The following HIBADH variants were observed in gnomAD, a reference collection of about 807,000 sequenced individuals.
The protein encoded by HIBADH is 3-hydroxyisobutyrate dehydrogenase.
Under a neutral mutation model 36.1 loss-of-function variants are expected in HIBADH, and 25 were observed. That is an observed-to-expected ratio of 0.69 (90% CI 0.50 to 0.97). The LOEUF is 0.97. Ranked by LOEUF, HIBADH falls within the 50% of genes least tolerant of loss-of-function variation. The pLI, the probability that HIBADH is intolerant of heterozygous loss-of-function variation, is 0.00. For missense variants in HIBADH, 421 were observed against 418.0 expected (o/e 1.01, Z -0.06); for synonymous variants, 160 against 149.5 (o/e 1.07, Z -0.51).
intron 4 of HIBADH, among the ~76,000 whole-genome samples, chr7:27,618,992 G>C (rs922544582): frequency 2.0e-5 from 3 of 152,042 alleles, no homozygotes; most frequent in African/African-American, 7.2e-5. Flanking sequence ...TCCAACACTG[G>C]GGATTACATA....
At chr7:27,579,918 C>T (rs1282981037) in intron 4 of HIBADH, among the ~76,000 whole-genome samples, 2 of 152,194 alleles carry the variant, frequency 1.3e-5, no homozygotes, top group South Asian at 2.1e-4. Flanking sequence ...TAACCTACTG[C>T]CATGCTACTA....
intron 2 of HIBADH, among the ~76,000 whole-genome samples, chr7:27,639,210 T>C (rs1323835135): frequency 6.6e-6 from 1 of 152,098 alleles, no homozygotes; most frequent in Non-Finnish European, 1.5e-5. Flanking sequence ...AATGGTAGAC[T>C]GAATAAAGAA....
At chr7:27,618,140 C>T (rs1299208566) in intron 4 of HIBADH, among the ~76,000 whole-genome samples, 1 of 152,198 alleles carries the variant, frequency 6.6e-6, no homozygotes, top group Non-Finnish European at 1.5e-5. Context: ...TGTGATCAAG[C>T]TCTCACACAG....
intron 4 of HIBADH, among the ~76,000 whole-genome samples, chr7:27,593,389 A>G (rs1427186014): frequency 6.6e-6 from 1 of 152,210 alleles, no homozygotes; most frequent in Non-Finnish European, 1.5e-5. Flanking sequence ...TTCCAAGGGC[A>G]GGGATTGTGC....
chr7:27,537,330 C>G (rs1025399169), intron 6 of HIBADH, among the ~76,000 whole-genome samples: 1 of 152,066 alleles, frequency 6.6e-6, no homozygotes, highest in African/African-American at 2.4e-5. Context: ...ACATCTGAGA[C>G]AAGGGCAATT....
At chr7:27,660,199 A>G (rs1299825098) in intron 1 of HIBADH, among the ~76,000 whole-genome samples, 1 of 152,352 alleles carries the variant, frequency 6.6e-6, no homozygotes, top group East Asian at 1.9e-4. Flanking sequence ...ACAAATATCC[A>G]ACAGAATTCA....
intron 4 of HIBADH, among the ~76,000 whole-genome samples, chr7:27,578,610 C>G (rs1204481833): frequency 6.6e-6 from 1 of 151,334 alleles, no homozygotes; most frequent in Non-Finnish European, 1.5e-5. Context: ...AGCCACCGCG[C>G]CCAGCCAAAT....
chr7:27,647,716 CAG>C, intron 2 of HIBADH: 1 of 413,220 alleles, frequency 2.4e-6, no homozygotes, highest in Non-Finnish European at 5.0e-6. Context: ...TGTTGGGAAA[CAG>C]AGGTAAGCCT....
Position 27,542,980 on chromosome 7 carries a change from A to G in HIBADH, c.605T>C (p.Val202Ala). 6.2e-7 allele frequency: 1 copy of G among 1,613,562 alleles called. No individual in the cohort carries two copies. Among genetic ancestry groups the G allele is most frequent in the Non-Finnish European group, 8.5e-7 (1 of 1,179,732 alleles). The change falls in exon 5 of 8, where the codon GTT becomes GCT. Residue 202 changes from valine to alanine, a missense_variant. Physicochemically the swap from Val to Ala is moderately conservative, Grantham distance 64. Coordinates refer to ENST00000265395, the MANE Select transcript of HIBADH (RefSeq NM_152740.4). ...MGSNVVYCGA[V>A]GTGQAAKICN... Reference sequence around the variant, plus strand: ...TAAAAATCTTACCTGCCCAGTCCCAACAGCTCCACAGTACACCACGTTGGA... The same window carrying G: ...TAAAAATCTTACCTGCCCAGTCCCAGCAGCTCCACAGTACACCACGTTGGA...
intron 1 of HIBADH, among the ~76,000 whole-genome samples, chr7:27,658,537 G>C (rs1447090731): frequency 4.6e-5 from 7 of 152,114 alleles, no homozygotes; most frequent in Non-Finnish European, 1.0e-4. Flanking sequence ...GTTTCACTAA[G>C]TGTCAAAATG....
intron 4 of HIBADH, among the ~76,000 whole-genome samples, chr7:27,618,110 C>T (rs1168064111): frequency 6.6e-6 from 1 of 152,122 alleles, no homozygotes; most frequent in African/African-American, 2.4e-5. Context: ...GAACTCTTCT[C>T]CTACTGGTGG....
At chr7:27,629,548 C>A in intron 3 of HIBADH, 56 bp from the exon 4 acceptor site, 3 of 1,243,456 alleles carry the variant, frequency 2.4e-6, no homozygotes. Flanking sequence ...AAATTTCATG[C>A]AACTACCTAC....
At chr7:27,553,270 C>G (rs1302641321) in intron 4 of HIBADH, among the ~76,000 whole-genome samples, 4 of 152,106 alleles carry the variant, frequency 2.6e-5, no homozygotes, top group African/African-American at 9.7e-5. Flanking sequence ...CAGCAGAAAA[C>G]ATTAGTTTTC....
At chr7:27,661,466 T>G (rs1165725919) in intron 1 of HIBADH, among the ~76,000 whole-genome samples, 1 of 151,444 alleles carries the variant, frequency 6.6e-6, no homozygotes, top group Non-Finnish European at 1.5e-5. Flanking sequence ...CACATGCCTG[T>G]AATCCCAGCT....
At chr7:27,616,358 A>G (rs1583599482) in intron 4 of HIBADH, among the ~76,000 whole-genome samples, 2 of 152,314 alleles carry the variant, frequency 1.3e-5, no homozygotes, top group East Asian at 1.9e-4. Context: ...TGAGGTCTGG[A>G]GGGCTCATAT....
At chr7:27,529,531 A>G (rs1783961592) in intron 7 of HIBADH, among the ~76,000 whole-genome samples, 1 of 150,374 alleles carries the variant, frequency 6.7e-6, no homozygotes, top group Admixed American at 6.6e-5. Context: ...TGGAAATAGG[A>G]GAACTAGAAT....
At chr7:27,646,726 C>T (rs1786079581) in intron 2 of HIBADH, among the ~76,000 whole-genome samples, 1 of 130,176 alleles carries the variant, frequency 7.7e-6, no homozygotes, top group Admixed American at 8.9e-5. Flanking sequence ...GACAGAGTCT[C>T]CCTCTGTCAT....
intron 4 of HIBADH, among the ~76,000 whole-genome samples, chr7:27,627,595 A>T (rs944035442): frequency 1.3e-5 from 2 of 152,246 alleles, no homozygotes; most frequent in Non-Finnish European, 2.9e-5. Context: ...AAATACAGTA[A>T]TTTTTAAACC....
At chr7:27,581,855 A>C (rs1035088877) in intron 4 of HIBADH, among the ~76,000 whole-genome samples, 31 of 152,138 alleles carry the variant, frequency 2.0e-4, no homozygotes, top group African/African-American at 5.3e-4. Context: ...CAAAAAAAAA[A>C]CCCAATTCAA....
Sources: allele counts gnomAD v4.1 joint callset (sites outside exome capture counted in the v4.1 genomes callset), GRCh38; gene constraint gnomAD v4.1.1; transcripts MANE v1.5; gene names NCBI Gene and HGNC (gene_info 2026-07-23, HGNC 2026-07-21).